SAXO1: variants seen among roughly 807,000 people sequenced by gnomAD.
SAXO1 encodes 4930500O09Rik.
In SAXO1, 21 loss-of-function variants were observed where a neutral mutation model predicts 17.5. The ratio of observed to expected loss-of-function variants is 1.20; its 90% CI spans 0.85 to 1.72. The LOEUF (loss-of-function observed/expected upper bound fraction) is 1.72. Among genes scored for constraint, SAXO1 ranks in the 40% most tolerant of loss-of-function variants. The pLI, the probability that SAXO1 is intolerant of heterozygous loss-of-function variation, is 0.00. For synonymous variants in SAXO1, 274 were observed against 216.5 expected (o/e 1.27, Z -2.33); for missense variants, 843 against 596.0 (o/e 1.41, Z -4.32).
intron 1 of SAXO1, among the ~76,000 whole-genome samples, chr9:19,011,205 G>A (rs749882724): frequency 6.6e-6 from 1 of 152,174 alleles, no homozygotes; most frequent in African/African-American, 2.4e-5. Context: ...AAATACATGC[G>A]TGACTGAACT....
chr9:19,015,410 C>G (rs1165539185), intron 1 of SAXO1, among the ~76,000 whole-genome samples: 1 of 152,162 alleles, frequency 6.6e-6, no homozygotes, highest in Non-Finnish European at 1.5e-5. Flanking sequence ...GTGGCGTGAT[C>G]TTGGCTTACT....
At chr9:19,035,948 T>C (rs533316593), upstream of SAXO1, among the ~76,000 whole-genome samples, 216 of 151,952 alleles carry the variant, frequency 1.4e-3, no homozygotes, top group African/African-American at 5.0e-3. Context: ...GTTTGGAAAA[T>C]TTGCATCCTG....
chr9:19,027,085 A>T, intron 1 of SAXO1: 1 of 877,894 alleles, frequency 1.1e-6, no homozygotes, highest in Non-Finnish European at 1.9e-6. Context: ...GAGAAAATCA[A>T]TGTGAACAAA....
At chr9:19,021,519 G>C (rs1835231962) in intron 1 of SAXO1, among the ~76,000 whole-genome samples, 2 of 152,080 alleles carry the variant, frequency 1.3e-5, no homozygotes, top group African/African-American at 4.8e-5. Flanking sequence ...TGACATGGAA[G>C]TTCTCTGGAC....
chr9:19,006,519 C>G (rs1376530496), intron 1 of SAXO1, among the ~76,000 whole-genome samples: 1 of 152,166 alleles, frequency 6.6e-6, no homozygotes, highest in Non-Finnish European at 1.5e-5. Context: ...CCGGTCACAA[C>G]AGAACAAATA....
rs1318774868 is a variant in SAXO1 at position 18,992,754 on chromosome 9, A to G, written c.38+40117T>C. Among the ~76,000 whole-genome samples the G allele has an allele frequency of 2.7e-5, 4 of 148,998 alleles. No homozygotes were observed. The East Asian group carries it at 7.9e-4, about 29-fold the overall frequency. On this transcript the variant is annotated intron_variant, in intron 1 of 3. Transcript: ENST00000380534. Reference sequence around the variant, plus strand: ...TGACTACGATCTCATGAGTGTGTATATTCTAATGACTTAAGAGCTATTTTT... The same window carrying G: ...TGACTACGATCTCATGAGTGTGTATGTTCTAATGACTTAAGAGCTATTTTT...
intron 1 of SAXO1, among the ~76,000 whole-genome samples, chr9:19,022,425 A>G (rs767866246): frequency 5.9e-5 from 9 of 152,192 alleles, no homozygotes; most frequent in Admixed American, 3.9e-4. Flanking sequence ...TTCCCCTAAT[A>G]TTACTCACTG....
chr9:18,974,693 A>C (rs904758085), intron 1 of SAXO1, among the ~76,000 whole-genome samples: 14 of 151,532 alleles, frequency 9.2e-5, no homozygotes, highest in African/African-American at 2.9e-4. Context: ...CAATGAGTAC[A>C]TACTGAGATA....
chr9:18,980,781 G>GAAAAAAAAAAA (rs10640487), intron 1 of SAXO1, among the ~76,000 whole-genome samples: 7 of 83,896 alleles, frequency 8.3e-5, no homozygotes, highest in African/African-American at 3.7e-4. Flanking sequence ...TTAAAAAACT[G>GAAAAAAAAAAA]AAAAAAAAAA....
At chr9:18,943,936 C>G (rs1831685613) in intron 2 of SAXO1, among the ~76,000 whole-genome samples, 1 of 152,212 alleles carries the variant, frequency 6.6e-6, no homozygotes, top group South Asian at 2.1e-4. Context: ...CCAGCTTCCT[C>G]TCAGGGATGC....
chr9:18,993,154 C>G (rs781704191), intron 1 of SAXO1, among the ~76,000 whole-genome samples: 1 of 151,228 alleles, frequency 6.6e-6, no homozygotes, highest in Non-Finnish European at 1.5e-5. Context: ...GCAGAGTGTA[C>G]AGGTATGTTA....
intron 1 of SAXO1, among the ~76,000 whole-genome samples, chr9:18,993,972 C>A (rs1228880780): frequency 3.9e-5 from 6 of 152,088 alleles, no homozygotes; most frequent in Admixed American, 1.3e-4. Context: ...AAAAGAAAGG[C>A]GAACCTACAA....
At chr9:18,979,804 G>C (rs537966893) in intron 1 of SAXO1, among the ~76,000 whole-genome samples, 110 of 152,320 alleles carry the variant, frequency 7.2e-4, no homozygotes, top group African/African-American at 2.5e-3. Flanking sequence ...TTGTACCACT[G>C]CACTACAGCC....
At chr9:18,933,820 GC>G (rs1831160049) in intron 3 of SAXO1, among the ~76,000 whole-genome samples, 1 of 152,192 alleles carries the variant, frequency 6.6e-6, no homozygotes, top group Non-Finnish European at 1.5e-5. Context: ...GCCAAGGTGG[GC>G]TGATCACGAG....
chr9:18,993,776 T>C (rs914621824), intron 1 of SAXO1, among the ~76,000 whole-genome samples: 1 of 152,140 alleles, frequency 6.6e-6, no homozygotes, highest in Non-Finnish European at 1.5e-5. Context: ...TAAGCTACCA[T>C]ATTACCATAT....
At chr9:19,043,638 G>A (rs561476138) in intron 1 of SAXO1, among the ~76,000 whole-genome samples, 62 of 151,974 alleles carry the variant, frequency 4.1e-4, no homozygotes, top group African/African-American at 1.4e-3. Context: ...ATGGTAGTGC[G>A]TAACTGTAGT....
At chr9:18,942,338 A>C (rs1831600119) in intron 2 of SAXO1, among the ~76,000 whole-genome samples, 1 of 151,864 alleles carries the variant, frequency 6.6e-6, no homozygotes. Flanking sequence ...TGCCTGACTC[A>C]CCCTTGTCTC....
intron 1 of SAXO1, among the ~76,000 whole-genome samples, chr9:19,028,528 G>A (rs892544056): frequency 6.6e-6 from 1 of 151,992 alleles, no homozygotes; most frequent in African/African-American, 2.4e-5. Flanking sequence ...AGCTTCTTAA[G>A]TCAAGATAAT....
intron 1 of SAXO1, among the ~76,000 whole-genome samples, chr9:18,989,588 C>T (rs1833727610): frequency 6.6e-6 from 1 of 151,588 alleles, no homozygotes; most frequent in Admixed American, 6.6e-5. Flanking sequence ...ACACCCATCT[C>T]GTGATACTTC....
Sources: allele counts gnomAD v4.1 joint callset (sites outside exome capture counted in the v4.1 genomes callset), GRCh38; gene constraint gnomAD v4.1.1; transcripts MANE v1.5; gene names NCBI Gene and HGNC (gene_info 2026-07-23, HGNC 2026-07-21).